Variants in ZNF837 observed in about 807,000 individuals in gnomAD.
ZNF837 encodes the protein zinc finger protein 837.
For missense variants in ZNF837, 955 were observed against 801.7 expected (o/e 1.19, Z -2.31); for synonymous variants, 475 against 365.2 (o/e 1.30, Z -3.43).
intron 1 of ZNF837, among the ~76,000 whole-genome samples, chr19:58,375,105 G>T (rs1599926003): frequency 7.0e-6 from 1 of 143,314 alleles, no homozygotes; most frequent in Admixed American, 7.0e-5. Context: ...CTAAAAATAT[G>T]AAAATTAGCC....
intron 1 of ZNF837, among the ~76,000 whole-genome samples, chr19:58,378,278 T>A (rs1046666031): frequency 6.6e-6 from 1 of 152,128 alleles, no homozygotes; most frequent in African/African-American, 2.4e-5. Context: ...GGGGCCCCGC[T>A]TTCACAATGT....
At chr19:58,377,289 G>A (rs1286002578) in intron 1 of ZNF837, among the ~76,000 whole-genome samples, 3 of 150,482 alleles carry the variant, frequency 2.0e-5, no homozygotes, top group African/African-American at 4.9e-5. Flanking sequence ...GGCAGATCAC[G>A]AGGTCAGGAG....
At chr19:58,374,165 C>T (rs1031466788) in intron 1 of ZNF837, among the ~76,000 whole-genome samples, 1 of 152,200 alleles carries the variant, frequency 6.6e-6, no homozygotes, top group African/African-American at 2.4e-5. Context: ...AGCTACCACA[C>T]CCCGAGTAAT....
rs906129700 is a variant in ZNF837, at chr19:58,374,592, A to G, written c.-139-4664T>C. Among the ~76,000 whole-genome samples the G allele has an allele frequency of 3.3e-5, 5 of 152,172 alleles. No individual in the cohort carries two copies. The East Asian group carries it at 5.8e-4, about 18-fold the overall frequency. On this transcript the variant is annotated intron_variant, in intron 1 of 2. Transcript: ENST00000597582. ...TTGGGGTAATTAAAATGTTCTGGAAATTATAGTGGTGATGGTTGCACAACA... is the reference window on the plus strand; with the variant it reads ...TTGGGGTAATTAAAATGTTCTGGAAGTTATAGTGGTGATGGTTGCACAACA...
chr19:58,376,301 C>G (rs371483177), intron 1 of ZNF837, among the ~76,000 whole-genome samples: 8 of 151,958 alleles, frequency 5.3e-5, no homozygotes, highest in African/African-American at 1.7e-4. Flanking sequence ...GCCTGTAATT[C>G]CAGCACTTTG....
At position 58,369,340 on chromosome 19, in the gene ZNF837, C is replaced by T. The variant is rs1230881120; in HGVS notation, c.-8G>A. On this transcript the variant is annotated 5_prime_UTR_variant, in exon 3 of 3. Coordinates refer to ENST00000597582, the MANE Select transcript of ZNF837 (RefSeq NM_138466.2). ...CTGGGCTGGAGCCTCCATCCTGGGGCGCAGAGTTCTGGTTGTAGGATCTGG... is the reference window on the plus strand; with the variant it reads ...CTGGGCTGGAGCCTCCATCCTGGGGTGCAGAGTTCTGGTTGTAGGATCTGG... The T allele has an allele frequency of 3.7e-6, 5 of 1,350,962 alleles. No homozygotes were observed. The highest frequency in any genetic ancestry group is 4.7e-6 in the Non-Finnish European group (5 of 1,056,168). The allele number at this position is 1,350,962 out of a possible 1,614,324, so 83.7% of individuals were successfully genotyped here. A position where few individuals can be genotyped will look rare whatever the true frequency, so the allele number is the denominator to read the frequency against.
chr19:58,376,996 T>C (rs1026606647), intron 1 of ZNF837, among the ~76,000 whole-genome samples: 2 of 150,782 alleles, frequency 1.3e-5, no homozygotes, highest in Non-Finnish European at 2.9e-5. Flanking sequence ...GGTGGGTGGA[T>C]CACGAGGTCA....
intron 1 of ZNF837, among the ~76,000 whole-genome samples, chr19:58,374,254 G>A (rs868796926): frequency 2.0e-5 from 3 of 152,148 alleles, no homozygotes; most frequent in Non-Finnish European, 2.9e-5. Flanking sequence ...TCAGAGCAGC[G>A]CTGTTCACAG....
chr19:58,369,013 C>G lies in ZNF837; in HGVS notation c.320G>C (p.Gly107Ala), dbSNP rs1353283311. The change falls in exon 3 of 3, where the codon GGG (glycine) becomes GCG (alanine). Residue 107 changes from glycine to alanine, a missense_variant. Physicochemically the swap from Gly to Ala is moderately conservative, Grantham distance 60. Coordinates refer to ENST00000597582, the MANE Select transcript of ZNF837 (RefSeq NM_138466.2). ...ACAGGGGCCCTCCCGGGCTTGCAGCCCCTCGGGGATAACCAGCTCAGGGTT... is the reference window on the plus strand; with the variant it reads ...ACAGGGGCCCTCCCGGGCTTGCAGCGCCTCGGGGATAACCAGCTCAGGGTT... Reference protein sequence around the residue: ...SQNPELVIPEGLQAREGPCRS... With the variant: ...SQNPELVIPEALQAREGPCRS... 1 of 1,513,734 alleles carries G rather than the reference C, an allele frequency of 6.6e-7. No individual in the cohort carries two copies. The allele number at this position is 1,513,734 out of a possible 1,614,324, so 93.8% of individuals were successfully genotyped here.
chr19:58,377,479 C>CA (rs34987835), intron 1 of ZNF837, among the ~76,000 whole-genome samples: 59,836 of 148,062 alleles, frequency 0.4, 12,374 homozygotes, highest in Middle Eastern at 0.52. Context: ...GACTCCATCT[C>CA]AAAAAAAAAA....
chr19:58,367,846 G>C lies in ZNF837; in HGVS notation c.1487C>G (p.Thr496Arg). 7.8e-6 allele frequency: 12 copies of C among 1,533,678 alleles called. No homozygotes were observed. Among genetic ancestry groups the C allele is most frequent in the Non-Finnish European group, 1.0e-5 (12 of 1,143,810 alleles). Residue 496 changes from threonine to arginine, a missense_variant, in exon 3 of 3, where the codon ACG becomes AGG. Coordinates refer to ENST00000597582, the MANE Select transcript of ZNF837 (RefSeq NM_138466.2). ...CGCGTAGGGCCGCTCGCCCGTGTGC[G>C]TGCGCAGGTGGCGCACCAGGCTGCA... is the stretch of plus-strand genomic sequence containing the variant. ...RNCSLVRHLRTHTGERPYACG... is the reference protein window; with the variant it reads ...RNCSLVRHLRRHTGERPYACG...
chr19:58,380,175 T>G (rs568433730), intron 1 of ZNF837, among the ~76,000 whole-genome samples: 40 of 152,290 alleles, frequency 2.6e-4, no homozygotes, highest in African/African-American at 9.4e-4. Flanking sequence ...AGCCCCTATG[T>G]CCAATTCTAC....
rs183072119 is a variant in ZNF837, at chr19:58,379,351, C to T, written c.-140+1590G>A. 3.3e-5 allele frequency among the ~76,000 whole-genome samples: 5 copies of T among 152,326 alleles called. No individual in the cohort carries two copies. In the East Asian group the frequency reaches 9.6e-4, roughly 29 times the overall value. Reference sequence around the variant, plus strand: ...CCTCTGCTGCAACAAGAACCTGCCTCCCAGCACCAGACACAGCAGGTGGGA... The same window carrying T: ...CCTCTGCTGCAACAAGAACCTGCCTTCCAGCACCAGACACAGCAGGTGGGA... On this transcript the variant is annotated intron_variant, in intron 1 of 2. Coordinates refer to ENST00000597582, the MANE Select transcript of ZNF837 (RefSeq NM_138466.2).
rs565153860 is a variant in ZNF837 at position 58,372,057 on chromosome 19, A to G, written c.-139-2129T>C. Among the ~76,000 whole-genome samples the G allele has an allele frequency of 8.5e-4, 126 of 147,586 alleles. 1 individual carries two copies. The highest frequency in any genetic ancestry group is 3.6e-3 in the Middle Eastern group (1 of 274). The stretch of plus-strand genomic sequence containing the variant: ...TATTTATTTGTTTGTTTGTTTGTTT[A>G]TTTTTATTTATTTAGAGACAGGGTT... On this transcript the variant is annotated intron_variant, in intron 1 of 2. Coordinates refer to ENST00000597582, the MANE Select transcript of ZNF837 (RefSeq NM_138466.2).
In ZNF837 at chr19:58,370,955, G is replaced by A. The variant is rs991596594; in HGVS notation, c.-139-1027C>T. ...GGGAGGGAGGGGTGAAGGCCGGGGG[G>A]GGGGAGCCGGGCGCGGTGGCTCACG... On this transcript the variant is annotated intron_variant, in intron 1 of 2. Transcript: ENST00000597582. Among the ~76,000 whole-genome samples, 649 of 147,084 alleles carry A rather than the reference G, an allele frequency of 4.4e-3. 12 individuals are homozygous for A. The highest frequency in any genetic ancestry group is 0.015 in the African/African-American group (586 of 39,924).
intron 1 of ZNF837, among the ~76,000 whole-genome samples, chr19:58,375,286 AT>A (rs1568568340): frequency 4.9e-5 from 3 of 61,538 alleles, no homozygotes; most frequent in African/African-American, 1.4e-4. Context: ...ATATATATAT[AT>A]ATATATATAT....
Position 58,371,624 on chromosome 19 carries a change from T to C in ZNF837, c.-139-1696A>G, listed in dbSNP as rs1305485844. Among the ~76,000 whole-genome samples the C allele has an allele frequency of 2.6e-5, 4 of 152,352 alleles. No homozygotes were observed. The East Asian group carries it at 7.7e-4, about 29-fold the overall frequency. On this transcript the variant is annotated intron_variant, in intron 1 of 2. Transcript: ENST00000597582. ...GATGGACACACTTGTGGCACCCTCGTAAATCACTGCTTCACTCGGCACAGG... is the reference window on the plus strand; with the variant it reads ...GATGGACACACTTGTGGCACCCTCGCAAATCACTGCTTCACTCGGCACAGG...
In ZNF837 at chr19:58,368,494, A is replaced by G; in HGVS notation, c.839T>C (p.Phe280Ser). 1 of 1,559,068 alleles carries G rather than the reference A, an allele frequency of 6.4e-7. No individual in the cohort carries two copies. The highest frequency in any genetic ancestry group is 8.7e-7 in the Non-Finnish European group (1 of 1,153,988). Residue 280 changes from phenylalanine to serine, a missense_variant, in exon 3 of 3, where the codon TTC (phenylalanine) becomes TCC (serine). Transcript: ENST00000597582. ...CTGCAGCAGGCTGGAGGTGCGCGTG[A>G]AGGCCTTGCCGCACTCGTCGCAAGC... ...LYACDECGKA[F>S]TRTSSLLQHQ...
At chr19:58,371,914 G>A (rs1168013121) in intron 1 of ZNF837, among the ~76,000 whole-genome samples, 1 of 151,602 alleles carries the variant, frequency 6.6e-6, no homozygotes, top group Non-Finnish European at 1.5e-5. Context: ...GTAGAGATGG[G>A]GTTTCACCAT....
Sources: allele counts gnomAD v4.1 joint callset (sites outside exome capture counted in the v4.1 genomes callset), GRCh38; gene constraint gnomAD v4.1.1; transcripts MANE v1.5; gene names NCBI Gene and HGNC (gene_info 2026-07-23, HGNC 2026-07-21).